The following DNAH17 variants were observed in gnomAD, a reference collection of about 807,000 sequenced individuals.
DNAH17 encodes axonemal beta dynein heavy chain 17.
A neutral mutation model predicts 485.6 loss-of-function variants in DNAH17; 376 were observed. The ratio of observed to expected loss-of-function variants is 0.77; its 90% CI spans 0.71 to 0.84. The LOEUF is 0.84. Among genes scored for constraint, DNAH17 ranks in the 40% least tolerant of loss-of-function variants. The pLI is 0.00. For synonymous variants in DNAH17, 3,031 were observed against 2,405.9 expected (o/e 1.26, Z -7.60); for missense variants, 6,370 against 5,839.3 (o/e 1.09, Z -2.96).
chr17:78,529,467 C>T lies in DNAH17; in HGVS notation c.3507+5G>A, dbSNP rs374387391. 60 of 1,613,580 alleles carry T rather than the reference C, an allele frequency of 3.7e-5. No individual in the cohort carries two copies. Among genetic ancestry groups the T allele is most frequent in the South Asian group, 5.5e-5 (5 of 91,078 alleles). On this transcript the variant is annotated splice_donor_5th_base_variant and intron_variant, in intron 22 of 80. Transcript: ENST00000389840. The stretch of plus-strand genomic sequence containing the variant: ...TGGACGCAGCCACACCCACCCACCA[C>T]GTACCTGCAGCTTCAAGTGGATCTC...
At chr17:78,574,642 G>A in intron 2 of DNAH17, 71 bp downstream of exon 2, 6 of 1,350,288 alleles carry the variant, frequency 4.4e-6, no homozygotes, top group Non-Finnish European at 5.1e-6. Context: ...AGGCTGAGCA[G>A]CAGGACTCAA....
Position 78,485,039 on chromosome 17 carries a change from G to T in DNAH17, c.7484-6C>A. The T allele has an allele frequency of 5.0e-6, 8 of 1,596,794 alleles. No individual in the cohort carries two copies. Among genetic ancestry groups the T allele is most frequent in the African/African-American group, 1.3e-5 (1 of 74,440 alleles). The stretch of plus-strand genomic sequence containing the variant: ...CAGCGGCTTCTCCAGCACCCCTAGA[G>T]AGGGCAGAGGGTCAGCTGCCCGCCT... On this transcript the variant is annotated splice_region_variant and splice_polypyrimidine_tract_variant and intron_variant, in intron 47 of 80. Transcript: ENST00000389840.
At chr17:78,514,639 G>A (rs932412786) in intron 26 of DNAH17, 135 bp downstream of exon 26, 66 of 1,254,704 alleles carry the variant, frequency 5.3e-5, no homozygotes, top group Middle Eastern at 5.6e-4. Context: ...ACTTGTGCAC[G>A]AAGCCAGCCC....
intron 43 of DNAH17, among the ~76,000 whole-genome samples, 162 bp downstream of exon 43, chr17:78,491,281 C>G (rs754624880): frequency 2.0e-5 from 3 of 152,248 alleles, no homozygotes; most frequent in African/African-American, 7.2e-5. Flanking sequence ...CAAAGTCTCA[C>G]GACAAGGTGC....
chr17:78,503,890 C>T (rs1379000551), intron 31 of DNAH17, among the ~76,000 whole-genome samples: 5 of 151,768 alleles, frequency 3.3e-5, no homozygotes, highest in Non-Finnish European at 5.9e-5. Context: ...CACTTGAACC[C>T]GAGAAGTGGA....
Position 78,502,987 on chromosome 17 carries a change from G to A in DNAH17, c.4981C>T (p.Leu1661=). 1.9e-6 allele frequency: 3 copies of A among 1,613,804 alleles called. No individual in the cohort carries two copies. Among genetic ancestry groups the A allele is most frequent in the Non-Finnish European group, 2.5e-6 (3 of 1,179,840 alleles). ...CGGAGGGTAGAGCACATTCGGTCCAGCACTCGATTCAGCCACACTTCCACC... is the reference window on the plus strand; with the variant it reads ...CGGAGGGTAGAGCACATTCGGTCCAACACTCGATTCAGCCACACTTCCACC... The part of the protein sequence containing the change: ...GQVEVWLNRV[L]DRMCSTLRHE... Residue 1661 remains leucine, a synonymous_variant, in exon 32 of 81, where the codon CTG becomes TTG. Transcript: ENST00000389840.
intron 16 of DNAH17, among the ~76,000 whole-genome samples, chr17:78,548,622 G>C (rs1246517236): frequency 6.6e-6 from 1 of 152,180 alleles, no homozygotes; most frequent in Non-Finnish European, 1.5e-5. Flanking sequence ...CACAATCTTT[G>C]AACAGCCTCC....
chr17:78,502,423 G>A (rs2090329568), intron 33 of DNAH17, 168 bp downstream of exon 33: 1 of 589,966 alleles, frequency 1.7e-6, no homozygotes, highest in South Asian at 2.1e-5. Context: ...GGGCTGTGGT[G>A]CGTGGCTGTT....
At chr17:78,551,752 G>T in intron 15 of DNAH17, 114 bp from the exon 16 acceptor site, 1 of 926,680 alleles carries the variant, frequency 1.1e-6, no homozygotes, top group Non-Finnish European at 1.7e-6. Flanking sequence ...TCACGAGGTC[G>T]GGAGTTCGAG....
intron 65 of DNAH17, among the ~76,000 whole-genome samples, chr17:78,452,070 C>G (rs2087577806): frequency 6.6e-6 from 1 of 151,612 alleles, no homozygotes; most frequent in African/African-American, 2.4e-5. Context: ...GGGGGCGCTT[C>G]TCTCCGGCTC....
chr17:78,552,509 G>A (rs1328949880), intron 15 of DNAH17, among the ~76,000 whole-genome samples, 188 bp downstream of exon 15: 7 of 120,952 alleles, frequency 5.8e-5, no homozygotes, highest in South Asian at 5.8e-4. Context: ...TGACACAGAT[G>A]GGCTTTTTTT....
chr17:78,510,989 T>G (rs1040402731), intron 26 of DNAH17, among the ~76,000 whole-genome samples: 1 of 152,206 alleles, frequency 6.6e-6, no homozygotes, highest in East Asian at 1.9e-4. Context: ...GGCCAAGGAA[T>G]GCCTGGAGCC....
chr17:78,576,707 C>T (rs888820758), intron 1 of DNAH17, among the ~76,000 whole-genome samples: 2 of 152,180 alleles, frequency 1.3e-5, no homozygotes, highest in Non-Finnish European at 2.9e-5. Flanking sequence ...TGGAGGGAAA[C>T]ATCCTCTGGT....
chr17:78,572,627 G>A lies in DNAH17; in HGVS notation c.539+74C>T. ...ACAACGGGTCGGAGTGGGGTGGAGTGGGGTGGGGGGTGGGGGTCAAGCATG... is the reference window on the plus strand; with the variant it reads ...ACAACGGGTCGGAGTGGGGTGGAGTAGGGTGGGGGGTGGGGGTCAAGCATG... On this transcript the variant is annotated intron_variant, in intron 3 of 80. Coordinates refer to ENST00000389840, the MANE Select transcript of DNAH17 (RefSeq NM_173628.4). 2 of 1,336,472 alleles carry A rather than the reference G, an allele frequency of 1.5e-6. 1 individual carries two copies. Among genetic ancestry groups the A allele is most frequent in the South Asian group, 2.8e-5 (2 of 70,786 alleles). The allele number at this position is 1,336,472 out of a possible 1,614,324, so 82.8% of individuals were successfully genotyped here.
In DNAH17 at chr17:78,515,025, G is replaced by T; in HGVS notation, c.3865-3C>A. ...CAGTCCTCGATGCTGGTATTTACCT[G>T]AAACGAAAACATCCCGTTTCTCCTT... is the stretch of plus-strand genomic sequence containing the variant. On this transcript the variant is annotated splice_region_variant and splice_polypyrimidine_tract_variant and intron_variant, in intron 25 of 80. Coordinates refer to ENST00000389840, the MANE Select transcript of DNAH17 (RefSeq NM_173628.4). 6.2e-7 allele frequency: 1 copy of T among 1,612,916 alleles called. No homozygotes were observed. Among genetic ancestry groups the T allele is most frequent in the Non-Finnish European group, 8.5e-7 (1 of 1,179,004 alleles).
chr17:78,557,091 C>T (rs1391772302), intron 14 of DNAH17, among the ~76,000 whole-genome samples: 5 of 152,210 alleles, frequency 3.3e-5, no homozygotes, highest in Admixed American at 2.0e-4. Flanking sequence ...CGTCAGGTCC[C>T]TAGATCAGAT....
In DNAH17 at chr17:78,450,579, C is replaced by G. The variant is rs550407880; in HGVS notation, c.10899+103G>C. ...CTGGGCCCACTCGGGCACGTATGAC[C>G]GAAGCTGCTTTTCTCCTTTCTCATG... On this transcript the variant is annotated intron_variant, in intron 67 of 80. Coordinates refer to ENST00000389840, the MANE Select transcript of DNAH17 (RefSeq NM_173628.4). 1.8e-3 allele frequency: 2,601 copies of G among 1,470,398 alleles called. 13 individuals carry two copies. The highest frequency in any genetic ancestry group is 2.7e-3 in the East Asian group (111 of 40,580). The allele number at this position is 1,470,398 out of a possible 1,614,324, so 91.1% of individuals were successfully genotyped here.
intron 18 of DNAH17, 73 bp from the exon 19 acceptor site, chr17:78,537,554 TC>T: frequency 6.6e-7 from 1 of 1,509,876 alleles, no homozygotes; most frequent in Non-Finnish European, 9.1e-7. Context: ...GCCCTGATCA[TC>T]CACTCCGTAC....
At position 78,571,644 on chromosome 17, in the gene DNAH17, C is replaced by T; in HGVS notation, c.678G>A (p.Val226=). Residue 226 remains valine (V), a synonymous_variant, in exon 4 of 81, where the codon GTG becomes GTA. Transcript: ENST00000389840. Reference sequence around the variant, plus strand: ...GCCGAGTGTCCCAGAACTCGAACTCCACTTGGGGCAGGGGGTGCAGCCCAT... The same window carrying T: ...GCCGAGTGTCCCAGAACTCGAACTCTACTTGGGGCAGGGGGTGCAGCCCAT... The part of the protein sequence containing the change: ...LLDGLHPLPQ[V]EFEFWDTRLL... 6.2e-7 allele frequency: 1 copy of T among 1,614,012 alleles called. No homozygotes were observed. The highest frequency in any genetic ancestry group is 1.1e-5 in the South Asian group (1 of 91,092).
Sources: allele counts gnomAD v4.1 joint callset (sites outside exome capture counted in the v4.1 genomes callset), GRCh38; gene constraint gnomAD v4.1.1; transcripts MANE v1.5; gene names NCBI Gene and HGNC (gene_info 2026-07-23, HGNC 2026-07-21).